Variants in MEI1 observed in about 807,000 individuals in gnomAD.
MEI1 encodes the protein meiosis inhibitor protein 1.
Under a neutral mutation model 146.2 loss-of-function variants are expected in MEI1, and 103 were observed. The observed-to-expected ratio is 0.70, with a 90% confidence interval of 0.60 to 0.83. MEI1 has a LOEUF of 0.83. MEI1 is among the 40% of genes least tolerant of loss of function. MEI1 has a pLI of 0.00. For missense variants in MEI1, 1,529 were observed against 1,533.0 expected (o/e 1.00, Z 0.04); for synonymous variants, 652 against 628.2 (o/e 1.04, Z -0.57).
At chr22:41,732,134 A>C (rs1170891380) in intron 9 of MEI1, 111 bp from the exon 10 acceptor site, 3 of 773,006 alleles carry the variant, frequency 3.9e-6, no homozygotes, top group Non-Finnish European at 6.3e-6. Context: ...TCCCTCCACG[A>C]GTGGCCTCCA....
intron 22 of MEI1, among the ~76,000 whole-genome samples, chr22:41,781,056 C>T (rs2075734691): frequency 6.6e-6 from 1 of 152,212 alleles, no homozygotes; most frequent in Non-Finnish European, 1.5e-5. Context: ...TAAAGTCTTT[C>T]TGTGATGTGC....
At chr22:41,702,225 CT>C (rs1296457413) in intron 1 of MEI1, among the ~76,000 whole-genome samples, 1 of 152,132 alleles carries the variant, frequency 6.6e-6, no homozygotes. Flanking sequence ...ACTGCAACCT[CT>C]GCCTCCCAGG....
At chr22:41,700,131 A>G (rs1231345429) in intron 1 of MEI1, among the ~76,000 whole-genome samples, 1 of 152,048 alleles carries the variant, frequency 6.6e-6, no homozygotes, top group Non-Finnish European at 1.5e-5. Flanking sequence ...CCTGCGGGCC[A>G]GGGGCGCATG....
chr22:41,712,775 T>G (rs2069710548), intron 3 of MEI1, among the ~76,000 whole-genome samples: 2 of 150,592 alleles, frequency 1.3e-5, no homozygotes, highest in African/African-American at 4.9e-5. Context: ...TCAATTGGTC[T>G]GGGGTGGGAC....
At chr22:41,737,535 G>A (rs1313926519) in intron 11 of MEI1, among the ~76,000 whole-genome samples, 4 of 150,214 alleles carry the variant, frequency 2.7e-5, no homozygotes, top group Non-Finnish European at 3.0e-5. Flanking sequence ...CACCGCGCCC[G>A]GCCTCTTTTT....
chr22:41,716,156 C>T lies in MEI1; in HGVS notation c.529+10C>T. The T allele has an allele frequency of 6.3e-7, 1 of 1,585,342 alleles. No individual in the cohort carries two copies. The highest frequency in any genetic ancestry group is 8.6e-7 in the Non-Finnish European group (1 of 1,161,006). Reference sequence around the variant, plus strand: ...CTTGTAATGGAGCATGGTGAGTGACCTGTGGGAGGAGCTGCCACTACCCTT... The same window carrying T: ...CTTGTAATGGAGCATGGTGAGTGACTTGTGGGAGGAGCTGCCACTACCCTT... On this transcript the variant is annotated intron_variant, in intron 5 of 30. Coordinates refer to ENST00000401548, the MANE Select transcript of MEI1 (RefSeq NM_152513.4).
Position 41,699,565 on chromosome 22 carries a change from G to A in MEI1, c.27G>A (p.Ala9=), listed in dbSNP as rs780603561. The change falls in exon 1 of 31, where the codon GCG becomes GCA. Residue 9 remains alanine (A), a synonymous_variant. Transcript: ENST00000401548. ...TGGCTGTGAGGCAGGCGGCGACGGC[G>A]GGCACTCCCGGGCCCAGGAGAGAGG... MAVRQAAT[A]GTPGPRREEE... is the part of the protein sequence containing the mutation. 1.9e-6 allele frequency: 3 copies of A among 1,612,088 alleles called. No individual in the cohort carries two copies. Among genetic ancestry groups the A allele is most frequent in the Non-Finnish European group, 2.5e-6 (3 of 1,179,140 alleles).
chr22:41,748,124 C>T lies in MEI1; in HGVS notation c.1698C>T (p.Thr566=), dbSNP rs2073471102. The T allele has an allele frequency of 2.5e-6, 4 of 1,613,534 alleles. No homozygotes were observed. The highest frequency in any genetic ancestry group is 1.7e-5 in the Admixed American group (1 of 59,988). The change falls in exon 15 of 31, where the codon ACC becomes ACT. Residue 566 remains threonine, a synonymous_variant. Coordinates refer to ENST00000401548, the MANE Select transcript of MEI1 (RefSeq NM_152513.4). ...CTTTGCAGAGACACTTGGAGCAGACCACCCACCCAGCTTTGATGGAAGTTT... is the reference window on the plus strand; with the variant it reads ...CTTTGCAGAGACACTTGGAGCAGACTACCCACCCAGCTTTGATGGAAGTTT... ...IPMVMRHLEQ[T]THPALMEVFL...
chr22:41,752,701 C>T, intron 16 of MEI1, 50 bp downstream of exon 16: 6 of 1,460,600 alleles, frequency 4.1e-6, no homozygotes, highest in Non-Finnish European at 5.7e-6. Context: ...CAATGTCCCT[C>T]TTGATGGGAC....
intron 17 of MEI1, among the ~76,000 whole-genome samples, chr22:41,754,630 C>T (rs922951765): frequency 2.6e-5 from 4 of 152,012 alleles, no homozygotes; most frequent in African/African-American, 9.7e-5. Flanking sequence ...GACGGGCCTT[C>T]ACCATGTTGG....
intron 19 of MEI1, chr22:41,767,699 G>C: frequency 2.3e-6 from 1 of 430,254 alleles, no homozygotes; most frequent in South Asian, 1.6e-5. Flanking sequence ...CTTGACATGA[G>C]CTAGGTACCA....
intron 1 of MEI1, among the ~76,000 whole-genome samples, chr22:41,702,912 G>A (rs2068822049): frequency 6.6e-6 from 1 of 151,962 alleles, no homozygotes; most frequent in African/African-American, 2.4e-5. Flanking sequence ...TTGAGATAGA[G>A]TTGCACCATG....
chr22:41,764,106 G>A (rs1450063958), intron 19 of MEI1, among the ~76,000 whole-genome samples: 4 of 151,850 alleles, frequency 2.6e-5, no homozygotes, highest in African/African-American at 7.3e-5. Flanking sequence ...GACTACTGGC[G>A]CCCGCCACCA....
intron 7 of MEI1, among the ~76,000 whole-genome samples, chr22:41,726,142 G>A (rs2071331205): frequency 6.6e-6 from 1 of 152,174 alleles, no homozygotes; most frequent in Non-Finnish European, 1.5e-5. Flanking sequence ...GCCAGGCGTG[G>A]TGGCACACAC....
At chr22:41,758,290 A>G (rs2074228556) in intron 17 of MEI1, 75 bp from the exon 18 acceptor site, 1 of 1,397,426 alleles carries the variant, frequency 7.2e-7, no homozygotes, top group Admixed American at 1.9e-5. Context: ...CTCTGCATGT[A>G]GTAGGTACTA....
intron 18 of MEI1, among the ~76,000 whole-genome samples, chr22:41,761,092 A>T (rs1277747981): frequency 1.3e-5 from 2 of 152,024 alleles, no homozygotes; most frequent in African/African-American, 4.8e-5. Flanking sequence ...TAGGTGGATC[A>T]CCTGAGTTCA....
At chr22:41,721,559 A>G (rs1041826682) in intron 6 of MEI1, among the ~76,000 whole-genome samples, 3 of 42,050 alleles carry the variant, frequency 7.1e-5, no homozygotes, top group Admixed American at 3.8e-4. Context: ...CTGGCTAATT[A>G]AAAAATTTTT....
At position 41,699,529 on chromosome 22, in the gene MEI1, A is replaced by G. The variant is rs746416041; in HGVS notation, c.-10A>G. Reference sequence around the variant, plus strand: ...AAAGAGTGCCGCCTCAGCTGAGGGCAAGCGAGGAGATGGCTGTGAGGCAGG... The same window carrying G: ...AAAGAGTGCCGCCTCAGCTGAGGGCGAGCGAGGAGATGGCTGTGAGGCAGG... On this transcript the variant is annotated 5_prime_UTR_variant, in exon 1 of 31. Transcript: ENST00000401548. 6.2e-6 allele frequency: 10 copies of G among 1,605,212 alleles called. No homozygotes were observed. The highest frequency in any genetic ancestry group is 8.5e-6 in the Non-Finnish European group (10 of 1,177,202).
At chr22:41,731,992 AG>A (rs1569202000) in intron 9 of MEI1, among the ~76,000 whole-genome samples, 2 of 152,104 alleles carry the variant, frequency 1.3e-5, no homozygotes, top group Non-Finnish European at 2.9e-5. Flanking sequence ...CTTGGTCAGT[AG>A]GTGTTCACTG....
Sources: allele counts gnomAD v4.1 joint callset (sites outside exome capture counted in the v4.1 genomes callset), GRCh38; gene constraint gnomAD v4.1.1; transcripts MANE v1.5; gene names NCBI Gene and HGNC (gene_info 2026-07-23, HGNC 2026-07-21).